DDHD2: variants seen among roughly 807,000 people sequenced by gnomAD.
DDHD2 encodes the protein triacylglycerol hydrolase DDHD2.
In DDHD2, 62 loss-of-function variants were observed where a neutral mutation model predicts 91.2. That is an observed-to-expected ratio of 0.68 (90% CI 0.55 to 0.84). DDHD2 has a LOEUF of 0.84. Ranked by LOEUF, DDHD2 falls within the 40% of genes least tolerant of loss-of-function variation. DDHD2 has a pLI of 0.00. For synonymous variants in DDHD2, 271 were observed against 293.9 expected (o/e 0.92, Z 0.80); for missense variants, 740 against 846.9 (o/e 0.87, Z 1.57).
At chr8:38,233,893 G>C (rs1804487457) in intron 2 of DDHD2, among the ~76,000 whole-genome samples, 1 of 150,268 alleles carries the variant, frequency 6.7e-6, no homozygotes, top group Non-Finnish European at 1.5e-5. Flanking sequence ...TGTGCCACTG[G>C]ACTCCAGCCT....
At chr8:38,235,871 G>GTGCA (rs1554511660) in intron 3 of DDHD2, among the ~76,000 whole-genome samples, 2 of 50,392 alleles carry the variant, frequency 4.0e-5, no homozygotes, top group African/African-American at 6.4e-5. Context: ...AAAAGTACAC[G>GTGCA]CGCACACACA....
downstream of DDHD2, chr8:38,264,992 G>T: frequency 7.1e-7 from 1 of 1,402,378 alleles, no homozygotes; most frequent in Non-Finnish European, 1.0e-6. Flanking sequence ...CTTCTCGCCG[G>T]GCACGGTGAC....
chr8:38,256,409 C>G lies in DDHD2; in HGVS notation c.2054+2691C>G, dbSNP rs140226500. On this transcript the variant is annotated intron_variant, in intron 16 of 17. Coordinates refer to ENST00000397166, the MANE Select transcript of DDHD2 (RefSeq NM_015214.3). ...CCTAGATCTCTGGGCTCAAGGGATC[C>G]TCTTAGGCTCAAGGGATCCTCCCAT... Among the ~76,000 whole-genome samples the G allele has an allele frequency of 6.6e-3, 999 of 152,134 alleles. 9 individuals carry two copies. Among genetic ancestry groups the G allele is most frequent in the Middle Eastern group, 0.054 (16 of 294 alleles).
chr8:38,238,029 A>G (rs1357256473), intron 4 of DDHD2, 60 bp from the exon 5 acceptor site: 4 of 1,468,952 alleles, frequency 2.7e-6, no homozygotes, highest in African/African-American at 2.9e-5. Flanking sequence ...TTAAAACTGC[A>G]TTGTATAGAG....
At chr8:38,268,893 TGGTGGGGAAATACTCC>T in intron 1 of DDHD2, 1 of 1,552,564 alleles carries the variant, frequency 6.4e-7, no homozygotes, top group African/African-American at 1.4e-5. Flanking sequence ...AACATCGGCT[TGGTGGGGAAATACTCC>T]GCCTCCACGT....
Position 38,260,093 on chromosome 8 carries a change from G to GT in DDHD2, c.2109dup (p.Ile704TyrfsTer4). ...CTCAAAGAGATCTACCAAACCCAGGGTATCTTCCTTGATCAGCCTTTACAG... is the reference window on the plus strand; with the variant it reads ...CTCAAAGAGATCTACCAAACCCAGGGTTATCTTCCTTGATCAGCCTTTACAG... On this transcript the variant is annotated frameshift_variant, in exon 17 of 18. Coordinates refer to ENST00000397166, the MANE Select transcript of DDHD2 (RefSeq NM_015214.3). LOFTEE classifies it high-confidence loss of function. 1.2e-6 allele frequency: 2 copies of GT among 1,613,560 alleles called. No individual in the cohort carries two copies. Among genetic ancestry groups the GT allele is most frequent in the Non-Finnish European group, 1.7e-6 (2 of 1,179,580 alleles).
At chr8:38,267,074 A>G (rs1807730273), downstream of DDHD2, 3 of 1,436,228 alleles carry the variant, frequency 2.1e-6, no homozygotes, top group Non-Finnish European at 2.7e-6. Context: ...AAGGTAAACT[A>G]CCTTTCTGTT....
At chr8:38,238,939 G>GTA (rs1231313948) in intron 5 of DDHD2, 1 of 152,990 alleles carries the variant, frequency 6.5e-6, no homozygotes, top group Admixed American at 6.5e-5. Flanking sequence ...ATAAATGTGT[G>GTA]TGTGTGTGTG....
chr8:38,238,491 G>A (rs1804981351), intron 5 of DDHD2: 2 of 1,124,354 alleles, frequency 1.8e-6, no homozygotes, highest in Non-Finnish European at 2.2e-6. Context: ...CAAGAAGTGT[G>A]ATTCCACCTA....
At chr8:38,248,737 G>A (rs950380235) in intron 10 of DDHD2, among the ~76,000 whole-genome samples, 1 of 151,772 alleles carries the variant, frequency 6.6e-6, no homozygotes, top group Admixed American at 6.6e-5. Flanking sequence ...ACGAGGTCAG[G>A]AGTTCGAGAC....
intron 1 of DDHD2, chr8:38,267,957 G>C (rs757796766): frequency 6.2e-7 from 1 of 1,614,028 alleles, no homozygotes; most frequent in South Asian, 1.1e-5. Flanking sequence ...GGCAAGGCTG[G>C]CAGCTGCAAA....
At chr8:38,268,215 A>G (rs962447924) in intron 1 of DDHD2, 19 of 1,041,858 alleles carry the variant, frequency 1.8e-5, no homozygotes, top group East Asian at 7.8e-5. Flanking sequence ...TGCGTAACCA[A>G]GTCCCTGCAG....
intron 16 of DDHD2, among the ~76,000 whole-genome samples, chr8:38,259,624 T>C (rs537290892): frequency 2.0e-5 from 3 of 152,174 alleles, no homozygotes; most frequent in Non-Finnish European, 4.4e-5. Flanking sequence ...GACCTTGTGA[T>C]CCACCCACCT....
At chr8:38,268,133 A>C (rs1807979595) in intron 1 of DDHD2, 1 of 1,413,630 alleles carries the variant, frequency 7.1e-7, no homozygotes, top group Admixed American at 2.7e-5. Context: ...GAACTTTTGT[A>C]CTAGGCCAAA....
At chr8:38,266,182 A>G (rs1189435660), downstream of DDHD2, 1 of 1,613,978 alleles carries the variant, frequency 6.2e-7, no homozygotes, top group African/African-American at 1.3e-5. Flanking sequence ...GGACAGTGCA[A>G]TCACAGCTGC....
At chr8:38,249,338 A>C (rs912616084) in intron 10 of DDHD2, among the ~76,000 whole-genome samples, 1 of 150,836 alleles carries the variant, frequency 6.6e-6, no homozygotes, top group Non-Finnish European at 1.5e-5. Flanking sequence ...TCCTGACCTC[A>C]TGATCCACCC....
chr8:38,258,715 GA>G (rs1169254264), intron 16 of DDHD2, among the ~76,000 whole-genome samples: 7 of 152,186 alleles, frequency 4.6e-5, no homozygotes, highest in Non-Finnish European at 1.0e-4. Context: ...GGAGATGAGG[GA>G]AGTCTGTGAA....
chr8:38,238,323 A>G lies in DDHD2; in HGVS notation c.622+114A>G, dbSNP rs553960142. Reference sequence around the variant, plus strand: ...CAAGGCTTAAAAATCATCTTTAATCATATGGGTTTATTCCAAGTTGAGATT... The same window carrying G: ...CAAGGCTTAAAAATCATCTTTAATCGTATGGGTTTATTCCAAGTTGAGATT... On this transcript the variant is annotated intron_variant, in intron 5 of 17. Transcript: ENST00000397166. 22 of 1,500,836 alleles carry G rather than the reference A, an allele frequency of 1.5e-5. 1 individual carries two copies. The South Asian group carries it at 2.8e-4, about 19-fold the overall frequency. The allele number at this position is 1,500,836 out of a possible 1,614,324, so 93.0% of individuals were successfully genotyped here. A position where few individuals can be genotyped will look rare whatever the true frequency, so the allele number is the denominator to read the frequency against.
chr8:38,271,393 CATT>C (rs1808473942), downstream of DDHD2: 2 of 151,934 alleles, frequency 1.3e-5, no homozygotes, highest in Admixed American at 1.3e-4. Context: ...CTGTGGTAAA[CATT>C]ATCCCCCCCC....
Sources: allele counts gnomAD v4.1 joint callset (sites outside exome capture counted in the v4.1 genomes callset), GRCh38; gene constraint gnomAD v4.1.1; transcripts MANE v1.5; gene names NCBI Gene and HGNC (gene_info 2026-07-23, HGNC 2026-07-21).